Variants in ANGPT1 observed in about 807,000 individuals in gnomAD.
ANGPT1 encodes the protein angiopoietin 1, also known as angiopoietin-1.
A neutral mutation model predicts 62.2 loss-of-function variants in ANGPT1; 17 were observed. The ratio of observed to expected loss-of-function variants is 0.27; its 90% CI spans 0.19 to 0.41. The LOEUF is 0.41. Among genes scored for constraint, ANGPT1 ranks in the 10% least tolerant of loss-of-function variants. The pLI, the probability that ANGPT1 is intolerant of heterozygous loss-of-function variation, is 1.00. For synonymous variants in ANGPT1, 199 were observed against 198.9 expected (o/e 1.00, Z 0.00); for missense variants, 478 against 594.9 (o/e 0.80, Z 2.04).
chr8:107,450,962 T>A (rs1274636245), intron 1 of ANGPT1, among the ~76,000 whole-genome samples: 1 of 151,828 alleles, frequency 6.6e-6, no homozygotes, highest in Non-Finnish European at 1.5e-5. Context: ...GACTGCCTTC[T>A]ACATATTTAC....
intron 2 of ANGPT1, chr8:107,336,515 C>A (rs1010478798): frequency 1.0e-5 from 4 of 396,698 alleles, no homozygotes; most frequent in East Asian, 1.3e-4. Context: ...AATACAAAAA[C>A]TTAGCCGGGC....
intron 1 of ANGPT1, among the ~76,000 whole-genome samples, chr8:107,386,775 T>G (rs1325333565): frequency 2.0e-5 from 3 of 152,140 alleles, no homozygotes; most frequent in African/African-American, 7.2e-5. Flanking sequence ...AAATGTTAGC[T>G]ATTATTATAC....
intron 1 of ANGPT1, among the ~76,000 whole-genome samples, chr8:107,383,556 C>T (rs776390529): frequency 9.2e-5 from 14 of 152,006 alleles, no homozygotes; most frequent in Admixed American, 2.6e-4. Flanking sequence ...TTAATTATAC[C>T]GCCTGTCTAG....
chr8:107,313,884 T>C (rs1172261333), intron 4 of ANGPT1, among the ~76,000 whole-genome samples: 2 of 152,212 alleles, frequency 1.3e-5, no homozygotes, highest in Admixed American at 6.5e-5. Flanking sequence ...TCTCCCTTCT[T>C]ACAGTATAAA....
At chr8:107,406,585 GAATAA>G (rs1381793442) in intron 1 of ANGPT1, among the ~76,000 whole-genome samples, 1 of 151,912 alleles carries the variant, frequency 6.6e-6, no homozygotes. Context: ...TAAAGTACCT[GAATAA>G]AATATAAGTA....
intron 7 of ANGPT1, among the ~76,000 whole-genome samples, chr8:107,269,403 T>C (rs930671317): frequency 2.6e-5 from 4 of 152,062 alleles, no homozygotes; most frequent in Admixed American, 6.6e-5. Context: ...CTAGTCCTTA[T>C]GTGTAATTAA....
chr8:107,301,654 T>C (rs1814591593), intron 5 of ANGPT1, among the ~76,000 whole-genome samples: 1 of 151,914 alleles, frequency 6.6e-6, no homozygotes, highest in Non-Finnish European at 1.5e-5. Flanking sequence ...ACTTCTCTGG[T>C]AGATGGCTGA....
chr8:107,490,607 A>G (rs931632071), intron 1 of ANGPT1, among the ~76,000 whole-genome samples: 2 of 152,130 alleles, frequency 1.3e-5, no homozygotes, highest in Non-Finnish European at 2.9e-5. Context: ...AAACCTTACA[A>G]TCTACCTTGC....
intron 1 of ANGPT1, among the ~76,000 whole-genome samples, chr8:107,379,947 C>G (rs980260370): frequency 1.3e-5 from 2 of 152,024 alleles, no homozygotes; most frequent in African/African-American, 4.8e-5. Flanking sequence ...CTTGAGATAT[C>G]CCAAAGGGAT....
chr8:107,336,525 C>A (rs979836237), intron 2 of ANGPT1: 28 of 340,882 alleles, frequency 8.2e-5, no homozygotes, highest in Non-Finnish European at 1.3e-4. Flanking sequence ...CTTAGCCGGG[C>A]GTGGTAGCGG....
At chr8:107,372,004 C>T (rs969936280) in intron 1 of ANGPT1, among the ~76,000 whole-genome samples, 5 of 151,754 alleles carry the variant, frequency 3.3e-5, no homozygotes, top group African/African-American at 1.2e-4. Context: ...TGTATCATAC[C>T]TATGTCATAT....
intron 4 of ANGPT1, among the ~76,000 whole-genome samples, chr8:107,314,836 C>G (rs1381904022): frequency 4.6e-5 from 7 of 152,164 alleles, no homozygotes; most frequent in Non-Finnish European, 1.0e-4. Context: ...CCATTTTTAT[C>G]AATGTTTATA....
intron 1 of ANGPT1, among the ~76,000 whole-genome samples, chr8:107,486,362 C>A (rs1412052844): frequency 1.3e-5 from 2 of 152,170 alleles, no homozygotes; most frequent in African/African-American, 4.8e-5. Context: ...TACTTCCACT[C>A]TCTGTACCTG....
chr8:107,398,211 T>C (rs1816973719), intron 1 of ANGPT1, among the ~76,000 whole-genome samples: 1 of 152,200 alleles, frequency 6.6e-6, no homozygotes, highest in African/African-American at 2.4e-5. Flanking sequence ...GTTCTTATTT[T>C]ATGTCAGGAC....
intron 1 of ANGPT1, among the ~76,000 whole-genome samples, chr8:107,429,655 A>T (rs1811127221): frequency 6.7e-6 from 1 of 150,136 alleles, no homozygotes; most frequent in Non-Finnish European, 1.5e-5. Context: ...GAGGAAAAAA[A>T]AAAAAAAAAA....
intron 1 of ANGPT1, among the ~76,000 whole-genome samples, chr8:107,453,196 T>C (rs1238015523): frequency 6.6e-6 from 1 of 152,094 alleles, no homozygotes; most frequent in Non-Finnish European, 1.5e-5. Flanking sequence ...CTCTGTATTA[T>C]TATTTTTATT....
chr8:107,371,114 TG>T, intron 1 of ANGPT1, among the ~76,000 whole-genome samples: 1 of 152,334 alleles, frequency 6.6e-6, no homozygotes, highest in East Asian at 1.9e-4. Context: ...CCTGGCGAGA[TG>T]CCATCTCAAT....
intron 2 of ANGPT1, among the ~76,000 whole-genome samples, chr8:107,342,567 A>C (rs1223998409): frequency 6.6e-6 from 1 of 152,114 alleles, no homozygotes; most frequent in Non-Finnish European, 1.5e-5. Flanking sequence ...GTGTCCAATA[A>C]AACTTTATCT....
At chr8:107,358,982 C>A (rs7004081) in intron 1 of ANGPT1, among the ~76,000 whole-genome samples, 2,481 of 152,222 alleles carry the variant, frequency 0.016, 86 homozygotes, top group African/African-American at 0.056. Context: ...TGGGCTTTTT[C>A]TCCATAGGTT....
Sources: gnomAD v4.1 joint callset for allele counts (sites outside exome capture counted in the v4.1 genomes callset) on GRCh38, gnomAD v4.1.1 for gene constraint, MANE v1.5 for transcripts, NCBI Gene and HGNC (gene_info 2026-07-23, HGNC 2026-07-21) for gene names.